The following UTRN variants were observed in gnomAD, a reference collection of about 807,000 sequenced individuals.
UTRN encodes the protein utrophin.
UTRN carries 283 observed loss-of-function variants against 463.9 expected under a neutral mutation model. The observed-to-expected ratio is 0.61, with a 90% CI of 0.55 to 0.67. The LOEUF (loss-of-function observed/expected upper bound fraction) is 0.67. Among genes scored for constraint, UTRN ranks in the 30% least tolerant of loss-of-function variants. The probability of loss-of-function intolerance (pLI) is 0.00; values close to 1 mark genes in which losing one functional copy is unlikely to be tolerated. For synonymous variants in UTRN, 1,442 were observed against 1,431.5 expected (o/e 1.01, Z -0.17); for missense variants, 3,922 against 4,084.3 (o/e 0.96, Z 1.08).
Position 144,471,010 on chromosome 6 carries a change from AC to A in UTRN, c.3067-2708del, listed in dbSNP as rs558914634. Among the ~76,000 whole-genome samples the A allele has an allele frequency of 3.0e-5, 4 of 133,618 alleles. 1 individual carries two copies. In the South Asian group the frequency reaches 1.1e-3, roughly 37 times the overall value. 87.7% of individuals were successfully genotyped at this position (133,618 alleles called of 152,430 possible). ...AGCCTTGGCTCGGCATCAGAGGGAG[AC>A]CGTGCAAAGGGGAGAGGGAGACGAG... On this transcript the variant is annotated intron_variant, in intron 23 of 74. Transcript: ENST00000367545.
intron 2 of UTRN, among the ~76,000 whole-genome samples, chr6:144,313,896 C>G (rs1775102669): frequency 6.6e-6 from 1 of 152,124 alleles, no homozygotes; most frequent in Non-Finnish European, 1.5e-5. Flanking sequence ...TGATTCAGTT[C>G]TTAAAATTTT....
rs1176266998 is a variant in UTRN at position 144,797,988 on chromosome 6, C to A, written c.9243C>A (p.Phe3081Leu). 1 of 1,614,046 alleles carries A rather than the reference C, an allele frequency of 6.2e-7. No homozygotes were observed. The highest frequency in any genetic ancestry group is 1.3e-5 in the African/African-American group (1 of 75,034). ...GTAAAGAATGTCCAATTGTCGGGTT[C>A]AGGTAAGGCGTGCCAGTGCTGGAGG... ...NICKECPIVG[F>L]RYRSLKHFNY... Residue 3081 changes from phenylalanine (F) to leucine (L), a missense_variant and splice_region_variant, in exon 64 of 75, where the codon TTC becomes TTA. Coordinates refer to ENST00000367545, the MANE Select transcript of UTRN (RefSeq NM_007124.3).
At chr6:144,557,762 A>T (rs2128615480) in intron 50 of UTRN, among the ~76,000 whole-genome samples, 1 of 152,212 alleles carries the variant, frequency 6.6e-6, no homozygotes, top group South Asian at 2.1e-4. Context: ...AGATCCCTGA[A>T]ATAATCTATG....
rs1055346197 is a variant in UTRN, at chr6:144,458,156, T to C, written c.2285-614T>C. On this transcript the variant is annotated intron_variant, in intron 19 of 74. Coordinates refer to ENST00000367545, the MANE Select transcript of UTRN (RefSeq NM_007124.3). ...TGTGTTTCTAAAGTAGATCATCTTA[T>C]TGCTGCCTCAGTCTTTTGGTATTTG... Among the ~76,000 whole-genome samples, 22 of 152,238 alleles carry C rather than the reference T, an allele frequency of 1.4e-4. 1 individual carries two copies.
intron 2 of UTRN, among the ~76,000 whole-genome samples, chr6:144,303,692 T>C (rs1375301971): frequency 6.6e-6 from 1 of 152,180 alleles, no homozygotes; most frequent in East Asian, 1.9e-4. Context: ...AAAGAGATGG[T>C]TTATTCATGT....
Position 144,550,945 on chromosome 6 carries a change from T to A in UTRN, c.6811-20T>A. The A allele has an allele frequency of 6.4e-7, 1 of 1,568,604 alleles. No individual in the cohort carries two copies. The highest frequency in any genetic ancestry group is 8.6e-7 in the Non-Finnish European group (1 of 1,161,276). ...CATATGGCTTATTAACCTATCCGAATAATCATTTCTACTTAACAGATTACA... is the reference window on the plus strand; with the variant it reads ...CATATGGCTTATTAACCTATCCGAAAAATCATTTCTACTTAACAGATTACA... On this transcript the variant is annotated intron_variant, in intron 47 of 74. Transcript: ENST00000367545.
At chr6:144,569,985 GAT>G (rs1285565450) in intron 50 of UTRN, among the ~76,000 whole-genome samples, 1 of 152,216 alleles carries the variant, frequency 6.6e-6, no homozygotes, top group African/African-American at 2.4e-5. Flanking sequence ...CAGCCCTGCT[GAT>G]AACTTGATTT....
chr6:144,465,807 T>C (rs1045004651), intron 23 of UTRN, among the ~76,000 whole-genome samples: 1 of 152,218 alleles, frequency 6.6e-6, no homozygotes, highest in Admixed American at 6.5e-5. Context: ...TTTAGGCATT[T>C]AATTATTTTT....
intron 23 of UTRN, among the ~76,000 whole-genome samples, chr6:144,470,996 G>A (rs530431948): frequency 1.4e-5 from 2 of 146,046 alleles, no homozygotes; most frequent in Admixed American, 6.8e-5. Flanking sequence ...GCCTTGGCTC[G>A]GCATCAGAGG....
At chr6:144,438,335 T>A (rs1786792101) in intron 11 of UTRN, among the ~76,000 whole-genome samples, 1 of 152,246 alleles carries the variant, frequency 6.6e-6, no homozygotes, top group Non-Finnish European at 1.5e-5. Context: ...AACATTAACT[T>A]GGTGTGAAGA....
rs529024805 is a variant in UTRN, at chr6:144,685,255, A to G, written c.7652+6677A>G. ...TGGTATTTCATGGTATACACATACC[A>G]CATGTTCCTTATCCACTCATGGATT... On this transcript the variant is annotated intron_variant, in intron 52 of 74. Transcript: ENST00000367545. Among the ~76,000 whole-genome samples the G allele has an allele frequency of 7.9e-5, 12 of 152,340 alleles. No individual in the cohort carries two copies. The South Asian group carries it at 2.3e-3, about 29-fold the overall frequency.
rs187949036 is a variant in UTRN at position 144,523,781 on chromosome 6, A to G, written c.5906+593A>G. 3.9e-3 allele frequency among the ~76,000 whole-genome samples: 587 copies of G among 152,356 alleles called. 3 individuals carry two copies. The highest frequency in any genetic ancestry group is 4.3e-3 in the Non-Finnish European group (295 of 68,034). ...AAAAAACTAAAGAAATTTTTCATTA[A>G]TGTTCACTTTCTCAGCACACTTGAT... is the stretch of plus-strand genomic sequence containing the variant. On this transcript the variant is annotated intron_variant, in intron 41 of 74. Transcript: ENST00000367545.
At chr6:144,836,741 A>G in intron 71 of UTRN, 200 bp downstream of exon 71, 1 of 779,814 alleles carries the variant, frequency 1.3e-6, no homozygotes, top group South Asian at 1.9e-5. Context: ...GTGTTTGCCC[A>G]GCTTACAATG....
intron 51 of UTRN, among the ~76,000 whole-genome samples, chr6:144,645,761 T>C (rs952024134): frequency 5.3e-5 from 8 of 152,168 alleles, no homozygotes; most frequent in Non-Finnish European, 1.2e-4. Flanking sequence ...AAAGCTGTGT[T>C]GGTGATGTGA....
chr6:144,557,239 G>T lies in UTRN; in HGVS notation c.7217G>T (p.Gly2406Val). Residue 2406 changes from glycine (G) to valine (V), a missense_variant, in exon 50 of 75, where the codon GGG becomes GTG. Gly to Val is a moderately radical substitution (Grantham distance 109). Transcript: ENST00000367545. ...CTGCAGAAACTCCTGGAGGAATATG[G>T]GAGTGATGACACAAGGAATGTGAAA... ...NVLQKLLEEY[G>V]SDDTRNVKET... 1.2e-6 allele frequency: 2 copies of T among 1,613,912 alleles called. No individual in the cohort carries two copies. Among genetic ancestry groups the T allele is most frequent in the Non-Finnish European group, 1.7e-6 (2 of 1,179,892 alleles).
intron 25 of UTRN, among the ~76,000 whole-genome samples, chr6:144,477,424 G>GC (rs1410090833): frequency 6.6e-6 from 1 of 152,012 alleles, no homozygotes; most frequent in Non-Finnish European, 1.5e-5. Flanking sequence ...ATGTTCAAAT[G>GC]TAAAGAAAAG....
intron 32 of UTRN, among the ~76,000 whole-genome samples, 185 bp downstream of exon 32, chr6:144,491,287 G>T (rs535478344): frequency 6.6e-6 from 1 of 152,266 alleles, no homozygotes; most frequent in South Asian, 2.1e-4. Context: ...GAAATTAGAA[G>T]AGATAAGAGA....
intron 2 of UTRN, among the ~76,000 whole-genome samples, chr6:144,341,536 G>C (rs1001716700): frequency 3.3e-5 from 5 of 152,178 alleles, no homozygotes; most frequent in Non-Finnish European, 5.9e-5. Context: ...AGAAATTGTT[G>C]CTAGTGTCTA....
At chr6:144,503,871 C>T (rs950877092) in intron 34 of UTRN, among the ~76,000 whole-genome samples, 1 of 152,118 alleles carries the variant, frequency 6.6e-6, no homozygotes, top group Admixed American at 6.6e-5. Context: ...TTCTTCCTAT[C>T]CACGAGCATG....
Sources: allele counts gnomAD v4.1 joint callset (sites outside exome capture counted in the v4.1 genomes callset), GRCh38; gene constraint gnomAD v4.1.1; transcripts MANE v1.5; gene names NCBI Gene and HGNC (gene_info 2026-07-23, HGNC 2026-07-21).